HELLS: variants seen among roughly 807,000 people sequenced by gnomAD.
HELLS encodes the protein helicase, lymphoid specific.
A neutral mutation model predicts 120.0 loss-of-function variants in HELLS; 32 were observed. The observed-to-expected ratio is 0.27, with a 90% CI of 0.20 to 0.36. HELLS has a LOEUF of 0.36. Among genes scored for constraint, HELLS ranks in the 10% least tolerant of loss-of-function variants. The pLI is 1.00. For synonymous variants in HELLS, 341 were observed against 323.4 expected (o/e 1.05, Z -0.58); for missense variants, 650 against 993.4 (o/e 0.65, Z 4.65).
downstream of HELLS, among the ~76,000 whole-genome samples, chr10:94,603,618 C>T (rs904815410): frequency 1.3e-5 from 2 of 152,144 alleles, no homozygotes; most frequent in African/African-American, 2.4e-5. Context: ...TTCACATATC[C>T]GACTGTTTAC....
At chr10:94,563,160 A>G (rs1287028156) in intron 6 of HELLS, among the ~76,000 whole-genome samples, 2 of 149,754 alleles carry the variant, frequency 1.3e-5, no homozygotes, top group African/African-American at 2.5e-5. Context: ...CAGTGTCACT[A>G]TATCTGCTCA....
At chr10:94,575,782 T>C (rs1844437046) in intron 9 of HELLS, among the ~76,000 whole-genome samples, 1 of 104,486 alleles carries the variant, frequency 9.6e-6, no homozygotes, top group Admixed American at 9.8e-5. Flanking sequence ...TGTGTGTGTG[T>C]GTGTGTGTGT....
intron 12 of HELLS, chr10:94,584,170 A>G (rs1250880132): frequency 1.3e-6 from 1 of 773,378 alleles, no homozygotes. Flanking sequence ...AAGGATGATT[A>G]TTGCTGAATT....
rs1845529745 is a variant in HELLS at position 94,592,297 on chromosome 10, A to C, written c.1836A>C (p.Lys612Asn). 1.2e-6 allele frequency: 2 copies of C among 1,611,652 alleles called. No individual in the cohort carries two copies. Among genetic ancestry groups the C allele is most frequent in the African/African-American group, 2.7e-5 (2 of 74,982 alleles). The change falls in exon 16 of 22, where the codon AAA (lysine) becomes AAC (asparagine). Residue 612 changes from lysine (K) to asparagine (N), a missense_variant. By Grantham distance (94) the Lys-to-Asn change is moderately conservative (BLOSUM62 0). Coordinates refer to ENST00000348459, the MANE Select transcript of HELLS (RefSeq NM_018063.5). ...TGGATCGAATGCTGCCAGAACTAAA[A>C]AAAAGAGGTCACAAGGTGGTACTTT... The part of the protein sequence containing the change: ...LILDRMLPEL[K>N]KRGHKVLLFS...
At chr10:94,586,051 G>T (rs997203969) in intron 12 of HELLS, among the ~76,000 whole-genome samples, 16 of 152,292 alleles carry the variant, frequency 1.1e-4, no homozygotes, top group Admixed American at 1.3e-4. Flanking sequence ...GTCAGTGCAT[G>T]TGGTAGAAAA....
In HELLS at chr10:94,558,191, A is replaced by G. The variant is rs1452977946; in HGVS notation, c.329A>G (p.Lys110Arg). 1 of 1,565,056 alleles carries G rather than the reference A, an allele frequency of 6.4e-7. No homozygotes were observed. Among genetic ancestry groups the G allele is most frequent in the Non-Finnish European group, 8.6e-7 (1 of 1,163,064 alleles). Residue 110 changes from lysine (K) to arginine (R), a missense_variant, in exon 4 of 22, where the codon AAA (lysine) becomes AGA (arginine). Around this residue, in one of 9 missense-constraint regions of HELLS, gnomAD observed 113 missense variants for 120.7 expected, o/e 0.94. Transcript: ENST00000348459. The part of the protein sequence containing the change: ...LERKKESLKV[K>R]KGKNSIDASE... ...AGAAAAAAGGAGTCTTTAAAAGTTA[A>G]AAAGGTAATATAGCCAGCCGGAATA...
At position 94,601,548 on chromosome 10, in the gene HELLS, C is replaced by G; in HGVS notation, c.2443C>G (p.Pro815Ala). 1 of 1,555,926 alleles carries G rather than the reference C, an allele frequency of 6.4e-7. No individual in the cohort carries two copies. The highest frequency in any genetic ancestry group is 8.8e-7 in the Non-Finnish European group (1 of 1,131,972). ...CTTAGATCAAATGAATGCTTCAGGA[C>G]CAATTAAAGAGAAGATGGGGATATT... ...DLIDQMNASG[P>A]IKEKMGIFKI... The change falls in exon 22 of 22, where the codon CCA becomes GCA. Residue 815 changes from proline to alanine, a missense_variant. Pro to Ala is a conservative substitution (Grantham distance 27). Transcript: ENST00000348459.
rs1234154114 is a variant in HELLS at position 94,558,274 on chromosome 10, T to A, written c.333+79T>A. 2.8e-6 allele frequency: 4 copies of A among 1,453,094 alleles called. No homozygotes were observed. The Admixed American group carries it at 8.1e-5, about 29-fold the overall frequency. 90.0% of individuals were successfully genotyped at this position (1,453,094 alleles called of 1,614,324 possible). On this transcript the variant is annotated intron_variant, in intron 4 of 21. Coordinates refer to ENST00000348459, the MANE Select transcript of HELLS (RefSeq NM_018063.5). ...TTTTGTATTCTTCTGACTTTTTTGA[T>A]CATCTGTTTAATTTTAAGTTTCTTT... is the stretch of plus-strand genomic sequence containing the variant.
chr10:94,609,480 G>A (rs1846166939), intron 9 of HELLS, among the ~76,000 whole-genome samples: 1 of 152,186 alleles, frequency 6.6e-6, no homozygotes, highest in Admixed American at 6.5e-5. Context: ...AAGTAATGAA[G>A]TTTGGGGAAT....
chr10:94,592,195 C>A, intron 15 of HELLS, 34 bp from the exon 16 acceptor site: 1 of 1,461,862 alleles, frequency 6.8e-7, no homozygotes, highest in Non-Finnish European at 9.4e-7. Context: ...TAACAGTTTT[C>A]TCTCTATTTT....
Position 94,562,398 on chromosome 10 carries a change from C to T in HELLS, c.334-293C>T, listed in dbSNP as rs148606492. ...ATCCTGGGCGACAAGAGTGAAACTC[C>T]GTCTCCAAAAAACAAACAAACGAAA... On this transcript the variant is annotated intron_variant, in intron 4 of 21. Coordinates refer to ENST00000348459, the MANE Select transcript of HELLS (RefSeq NM_018063.5). 1.8e-4 allele frequency among the ~76,000 whole-genome samples: 27 copies of T among 152,018 alleles called. 1 individual carries two copies. The East Asian group carries it at 2.0e-3, about 11-fold the overall frequency.
At chr10:94,555,645 T>A (rs1843221571) in intron 3 of HELLS, among the ~76,000 whole-genome samples, 1 of 152,160 alleles carries the variant, frequency 6.6e-6, no homozygotes, top group Non-Finnish European at 1.5e-5. Context: ...TTTCTTTTTT[T>A]TGGAGACAGA....
chr10:94,582,801 A>C (rs1844940208), intron 11 of HELLS, among the ~76,000 whole-genome samples, 162 bp from the exon 12 acceptor site: 1 of 152,160 alleles, frequency 6.6e-6, no homozygotes, highest in African/African-American at 2.4e-5. Flanking sequence ...TTGTTGTTGG[A>C]ATGTGTTCTC....
At chr10:94,595,354 G>A (rs1401689415) in intron 19 of HELLS, among the ~76,000 whole-genome samples, 2 of 152,180 alleles carry the variant, frequency 1.3e-5, no homozygotes, top group Non-Finnish European at 2.9e-5. Flanking sequence ...TAGATATGTA[G>A]ATGAAGAGCA....
chr10:94,550,314 T>TG (rs1241980610), intron 2 of HELLS, among the ~76,000 whole-genome samples: 2 of 152,000 alleles, frequency 1.3e-5, no homozygotes, highest in African/African-American at 4.8e-5. Context: ...AGTCTCCCTC[T>TG]GTCACCCAGG....
intron 21 of HELLS, 77 bp from the exon 22 acceptor site, chr10:94,601,451 A>G: frequency 1.3e-6 from 1 of 796,172 alleles, no homozygotes; most frequent in East Asian, 2.5e-5. Flanking sequence ...TTCTCATAAC[A>G]TCATATTGGA....
intron 6 of HELLS, among the ~76,000 whole-genome samples, chr10:94,567,332 C>G (rs1843857668): frequency 1.3e-5 from 2 of 151,962 alleles, no homozygotes; most frequent in South Asian, 4.1e-4. Flanking sequence ...CAGTTTTGCT[C>G]TTGTTGCCCA....
At position 94,559,095 on chromosome 10, in the gene HELLS, A is replaced by G. The variant is rs568863897; in HGVS notation, c.333+900A>G. 4.6e-5 allele frequency among the ~76,000 whole-genome samples: 7 copies of G among 152,264 alleles called. No individual in the cohort carries two copies. The South Asian group carries it at 1.5e-3, about 32-fold the overall frequency. Reference sequence around the variant, plus strand: ...CTGACACCGTCATGGTCATTTTTGGATATGCTTATGTTCAGAGCAGCAAAG... The same window carrying G: ...CTGACACCGTCATGGTCATTTTTGGGTATGCTTATGTTCAGAGCAGCAAAG... On this transcript the variant is annotated intron_variant, in intron 4 of 21. Coordinates refer to ENST00000348459, the MANE Select transcript of HELLS (RefSeq NM_018063.5).
At chr10:94,554,869 G>A (rs1843174218) in intron 3 of HELLS, among the ~76,000 whole-genome samples, 1 of 152,048 alleles carries the variant, frequency 6.6e-6, no homozygotes, top group Non-Finnish European at 1.5e-5. Context: ...AAACCCAAAA[G>A]GGCTGGGTGT....
Sources: allele counts gnomAD v4.1 joint callset (sites outside exome capture counted in the v4.1 genomes callset), GRCh38; gene constraint gnomAD v4.1.1; regional missense constraint gnomAD v4.1.1; transcripts MANE v1.5; gene names NCBI Gene and HGNC (gene_info 2026-07-23, HGNC 2026-07-21).